Variants in SH3BP5 observed in about 807,000 individuals in gnomAD.
The protein encoded by SH3BP5 is SH3 domain binding protein 5.
A neutral mutation model predicts 43.3 loss-of-function variants in SH3BP5; 22 were observed. The observed-to-expected ratio is 0.51, with a 90% CI of 0.36 to 0.73. The LOEUF is 0.73. Ranked by LOEUF, SH3BP5 falls within the 30% of genes least tolerant of loss-of-function variation. The pLI, the probability that SH3BP5 is intolerant of heterozygous loss-of-function variation, is 0.00. For missense variants in SH3BP5, 529 were observed against 586.9 expected, an observed-to-expected ratio of 0.90 and a Z score of 1.02; for synonymous variants, 255 against 225.8, an observed-to-expected ratio of 1.13 and a Z score of -1.16.
chr3:15,340,970 G>A (rs1698758504), intron 1 of SH3BP5, among the ~76,000 whole-genome samples: 1 of 151,710 alleles, frequency 6.6e-6, no homozygotes, highest in Admixed American at 6.6e-5. Flanking sequence ...GAGAATCACT[G>A]GAACCCGGGA....
At chr3:15,315,181 C>G (rs879277442) in intron 2 of SH3BP5, among the ~76,000 whole-genome samples, 1 of 76,848 alleles carries the variant, frequency 1.3e-5, no homozygotes, top group African/African-American at 5.7e-5. Flanking sequence ...GCTGGGACCA[C>G]AAGCATCCAC....
At chr3:15,290,659 A>G (rs377610845) in intron 3 of SH3BP5, among the ~76,000 whole-genome samples, 7 of 152,026 alleles carry the variant, frequency 4.6e-5, no homozygotes, top group Admixed American at 3.9e-4. Flanking sequence ...AGATCGTGCC[A>G]CTGCGCTCCA....
intron 3 of SH3BP5, among the ~76,000 whole-genome samples, chr3:15,291,445 A>G (rs1049381688): frequency 6.6e-6 from 1 of 152,216 alleles, no homozygotes; most frequent in African/African-American, 2.4e-5. Flanking sequence ...TCTGAATTTC[A>G]GGTAAACAAT....
Position 15,256,229 on chromosome 3 carries a change from C to CA in SH3BP5, c.1224dup (p.Gly409TrpfsTer7). ...TGGCTCTTACTGCTGCCACCACTGC[C>CA]ACTGCTACTGCTGAGGCCCCGGTTG... On this transcript the variant is annotated frameshift_variant, in exon 9 of 9. Transcript: ENST00000383791. LOFTEE classifies it low-confidence loss of function (END_TRUNC). 6.2e-7 allele frequency: 1 copy of CA among 1,614,230 alleles called. No homozygotes were observed. The highest frequency in any genetic ancestry group is 8.5e-7 in the Non-Finnish European group (1 of 1,180,036).
At chr3:15,298,819 T>C (rs1288734358) in intron 3 of SH3BP5, among the ~76,000 whole-genome samples, 3 of 151,920 alleles carry the variant, frequency 2.0e-5, no homozygotes, top group Admixed American at 2.0e-4. Flanking sequence ...ATTGGGGAGT[T>C]AGTGTTGAAT....
chr3:15,257,402 T>TA (rs1696251948), intron 7 of SH3BP5: 1 of 340,048 alleles, frequency 2.9e-6, no homozygotes, highest in African/African-American at 2.1e-5. Context: ...AATGGAAGAT[T>TA]AATTCAGCCA....
At position 15,256,307 on chromosome 3, in the gene SH3BP5, T is replaced by C. The variant is rs200527169; in HGVS notation, c.1151-4A>G. 67 of 1,611,864 alleles carry C rather than the reference T, an allele frequency of 4.2e-5. No homozygotes were observed. The Middle Eastern group carries it at 5.0e-4, about 12-fold the overall frequency. ...TCTGCCCCTTCTGCCCTGTCTCCTA[T>C]AGAAATACAAGGATTATCAAAAGTG... On this transcript the variant is annotated splice_region_variant and splice_polypyrimidine_tract_variant and intron_variant, in intron 8 of 8. Coordinates refer to ENST00000383791, the MANE Select transcript of SH3BP5 (RefSeq NM_004844.5).
In SH3BP5 at chr3:15,269,583, A is replaced by G. The variant is rs543951735; in HGVS notation, c.495+130T>C. 13 of 984,398 alleles carry G rather than the reference A, an allele frequency of 1.3e-5. No individual in the cohort carries two copies. The East Asian group carries it at 3.4e-4, about 26-fold the overall frequency. 61.0% of individuals were successfully genotyped at this position (984,398 alleles called of 1,614,324 possible). ...AGCGCAGCCAAGAGATCATACGGAG[A>G]TGACAACCTGTGATTTTCAGGGTGT... On this transcript the variant is annotated intron_variant, in intron 4 of 8. Transcript: ENST00000383791.
intron 7 of SH3BP5, 80 bp from the exon 8 acceptor site, chr3:15,257,193 T>C (rs2125037941): frequency 7.0e-7 from 1 of 1,422,402 alleles, no homozygotes; most frequent in East Asian, 2.3e-5. Context: ...GGCAGGCAGC[T>C]AGACACAGCA....
rs539655992 is a variant in SH3BP5 at position 15,254,401 on chromosome 3, A to G, written c.*1685T>C. 5.1e-4 allele frequency: 78 copies of G among 152,384 alleles called. No homozygotes were observed. Among genetic ancestry groups the G allele is most frequent in the African/African-American group, 1.7e-3 (71 of 41,588 alleles). 9.4% of individuals were successfully genotyped at this position (152,384 alleles called of 1,614,324 possible). ...TAATGAAATGCGGATTAAGAGTCCA[A>G]TATTATAAAACATTTCCACAAAAGA... On this transcript the variant is annotated 3_prime_UTR_variant, in exon 9 of 9. Coordinates refer to ENST00000383791, the MANE Select transcript of SH3BP5 (RefSeq NM_004844.5).
chr3:15,332,341 T>C lies in SH3BP5; in HGVS notation c.68A>G (p.Glu23Gly). 6.5e-7 allele frequency: 1 copy of C among 1,543,536 alleles called. No individual in the cohort carries two copies. Among genetic ancestry groups the C allele is most frequent in the Non-Finnish European group, 8.7e-7 (1 of 1,148,628 alleles). Residue 23 changes from glutamate (E) to glycine (G), a missense_variant, in exon 1 of 9, where the codon GAG (glutamate) becomes GGG (glycine). Physicochemically the swap from Glu to Gly is moderately conservative, Grantham distance 98 (BLOSUM62 -2). Around this residue, in one of 3 missense-constraint regions of SH3BP5, gnomAD observed 75 missense variants for 61.8 expected, o/e 1.21. Coordinates refer to ENST00000383791, the MANE Select transcript of SH3BP5 (RefSeq NM_004844.5). ...CATCCCCTCTTCCTCCTCCTCCTCC[T>C]CGTCCCGGGCAGGCGGCAGGATTTC... ...PAEILPPARDEEEEEEEGMEQ... is the reference protein window; with the variant it reads ...PAEILPPARDGEEEEEEGMEQ...
At chr3:15,310,678 G>C (rs1383521423) in intron 2 of SH3BP5, among the ~76,000 whole-genome samples, 1 of 152,194 alleles carries the variant, frequency 6.6e-6, no homozygotes, top group Non-Finnish European at 1.5e-5. Context: ...TTTACCAAGG[G>C]AGTTTTTAGA....
chr3:15,270,206 T>C (rs1696761017), intron 3 of SH3BP5, among the ~76,000 whole-genome samples: 1 of 152,236 alleles, frequency 6.6e-6, no homozygotes. Flanking sequence ...TCAGAAGCTC[T>C]GCCTCACTCG....
At chr3:15,272,834 AC>A (rs1696855405) in intron 3 of SH3BP5, among the ~76,000 whole-genome samples, 1 of 152,154 alleles carries the variant, frequency 6.6e-6, no homozygotes, top group Non-Finnish European at 1.5e-5. Flanking sequence ...CCTGCTGTGG[AC>A]TCACCATGTG....
intron 2 of SH3BP5, among the ~76,000 whole-genome samples, chr3:15,318,294 C>A (rs1698232718): frequency 1.3e-5 from 2 of 152,136 alleles, no homozygotes; most frequent in African/African-American, 4.8e-5. Context: ...ATGCCAGGTA[C>A]CATGCCAGAC....
rs1054594518 is a variant in SH3BP5, at chr3:15,326,888, T to G, written c.201+3616A>C. Among the ~76,000 whole-genome samples, 7 of 152,280 alleles carry G rather than the reference T, an allele frequency of 4.6e-5. No individual in the cohort carries two copies. The East Asian group carries it at 1.3e-3, about 29-fold the overall frequency. ...ACATGTTAGGTGAGTGGCCCTGAGT[T>G]CAATGCTAATGAATCAATAGTATAT... On this transcript the variant is annotated intron_variant, in intron 2 of 8. Coordinates refer to ENST00000383791, the MANE Select transcript of SH3BP5 (RefSeq NM_004844.5).
rs1696187458 is a variant in SH3BP5, at chr3:15,256,157, G to C, written c.1297C>G (p.Gln433Glu). The C allele has an allele frequency of 6.2e-7, 1 of 1,614,080 alleles. No individual in the cohort carries two copies. The highest frequency in any genetic ancestry group is 8.5e-7 in the Non-Finnish European group (1 of 1,180,028). Residue 433 changes from glutamine to glutamate, a missense_variant, in exon 9 of 9, where the codon CAG (glutamine) becomes GAG (glutamate). Physicochemically the swap from Gln to Glu is conservative, Grantham distance 29. This residue lies in a region of SH3BP5 where 369 missense variants were observed against 384.3 expected (regional missense o/e 0.96). Coordinates refer to ENST00000383791, the MANE Select transcript of SH3BP5 (RefSeq NM_004844.5). ...CCCTTTGAGCACTGTAGGGAGAGCT[G>C]CTTCATCCGGTTCTCCAAGGCCTGG... ...EGQALENRMK[Q>E]LSLQCSKGRD...
At chr3:15,300,454 T>C (rs1575326163) in intron 3 of SH3BP5, among the ~76,000 whole-genome samples, 1 of 151,414 alleles carries the variant, frequency 6.6e-6, no homozygotes, top group East Asian at 2.0e-4. Flanking sequence ...CAGGCACCAT[T>C]TCCCTGCTGT....
chr3:15,259,299 C>T (rs1696343539), intron 6 of SH3BP5: 2 of 574,168 alleles, frequency 3.5e-6, no homozygotes, highest in African/African-American at 1.9e-5. Flanking sequence ...GAACAAACCC[C>T]ATCAGGGAAG....
Sources: gnomAD v4.1 joint callset for allele counts (sites outside exome capture counted in the v4.1 genomes callset) on GRCh38, gnomAD v4.1.1 for gene constraint, gnomAD v4.1.1 regional missense constraint, MANE v1.5 for transcripts, NCBI Gene and HGNC (gene_info 2026-07-23, HGNC 2026-07-21) for gene names.